The following CCSER1 variants were observed in gnomAD, a reference collection of about 807,000 sequenced individuals.
CCSER1 encodes the protein coiled-coil serine rich protein 1.
In CCSER1, 41 loss-of-function variants were observed where a neutral mutation model predicts 82.0. That is an observed-to-expected ratio of 0.50 (90% CI 0.39 to 0.65). CCSER1 has a LOEUF of 0.65. CCSER1 is among the 30% of genes least tolerant of loss of function. The pLI is 0.00. For synonymous variants in CCSER1, 414 were observed against 383.9 expected, an observed-to-expected ratio of 1.08 and a Z score of -0.92; for missense variants, 1,119 against 1,064.2, an observed-to-expected ratio of 1.05 and a Z score of -0.72.
intron 6 of CCSER1, among the ~76,000 whole-genome samples, chr4:90,703,545 G>A (rs762055017): frequency 1.7e-4 from 26 of 152,074 alleles, no homozygotes; most frequent in South Asian, 1.0e-3. Flanking sequence ...TTTCTGTCTC[G>A]TTGATCTGTC....
At chr4:91,432,398 A>C (rs964918228) in intron 10 of CCSER1, among the ~76,000 whole-genome samples, 1 of 152,218 alleles carries the variant, frequency 6.6e-6, no homozygotes, top group Non-Finnish European at 1.5e-5. Flanking sequence ...ATGTATTTCT[A>C]TAGAATAAAT....
intron 10 of CCSER1, among the ~76,000 whole-genome samples, chr4:91,371,060 A>G (rs914491133): frequency 4.6e-5 from 7 of 152,036 alleles, no homozygotes; most frequent in Non-Finnish European, 1.0e-4. Context: ...AGGGGGTTTC[A>G]TCATATTGGC....
Position 90,197,974 on chromosome 4 carries a change from AT to A in CCSER1, c.-42+70144del, listed in dbSNP as rs1228009698. Among the ~76,000 whole-genome samples, 3 of 152,270 alleles carry A rather than the reference AT, an allele frequency of 2.0e-5. No individual in the cohort carries two copies. The East Asian group carries it at 5.8e-4, about 29-fold the overall frequency. ...AAAGAATAAATGCTTGAAGGGATGG[AT>A]ACCCCATTCTTCATGTTGTACTTAT... is the stretch of plus-strand genomic sequence containing the variant. On this transcript the variant is annotated intron_variant, in intron 1 of 10. Transcript: ENST00000509176.
At chr4:90,162,183 C>T (rs1371200329) in intron 1 of CCSER1, among the ~76,000 whole-genome samples, 2 of 152,108 alleles carry the variant, frequency 1.3e-5, no homozygotes, top group African/African-American at 4.8e-5. Context: ...TTTGACATAT[C>T]CCCTCACAGA....
intron 5 of CCSER1, among the ~76,000 whole-genome samples, chr4:90,625,340 A>G (rs1417459903): frequency 1.3e-5 from 2 of 152,340 alleles, no homozygotes; most frequent in East Asian, 3.9e-4. Context: ...TGATCAAAAC[A>G]TTAATATTCA....
rs550075790 is a variant in CCSER1, at chr4:90,719,002, C to G, written c.1933-4912C>G. 3.9e-5 allele frequency among the ~76,000 whole-genome samples: 6 copies of G among 152,074 alleles called. No individual in the cohort carries two copies. The South Asian group carries it at 1.2e-3, about 32-fold the overall frequency. On this transcript the variant is annotated intron_variant, in intron 6 of 10. Transcript: ENST00000509176. ...TCCTTAATGTCCTTTTTGTTATTCC[C>G]GAGTCACATTCAGGATACTTTATTA...
chr4:91,477,359 CA>C (rs1192228844), intron 10 of CCSER1, among the ~76,000 whole-genome samples: 1 of 151,662 alleles, frequency 6.6e-6, no homozygotes, highest in East Asian at 1.9e-4. Context: ...GTGGCAAGAG[CA>C]CTGAATTTTG....
chr4:91,411,299 A>T (rs542862309), intron 10 of CCSER1, among the ~76,000 whole-genome samples: 11 of 151,356 alleles, frequency 7.3e-5, no homozygotes, highest in Non-Finnish European at 1.2e-4. Flanking sequence ...TACTTAAGCC[A>T]TCCTCATAGA....
chr4:90,648,909 AG>A (rs1199269963), intron 6 of CCSER1, among the ~76,000 whole-genome samples: 3 of 152,166 alleles, frequency 2.0e-5, no homozygotes, highest in Non-Finnish European at 4.4e-5. Flanking sequence ...GTACTAATAT[AG>A]GGAAGACAAC....
chr4:90,397,357 G>T (rs1431096849), intron 3 of CCSER1, among the ~76,000 whole-genome samples: 1 of 152,158 alleles, frequency 6.6e-6, no homozygotes, highest in African/African-American at 2.4e-5. Context: ...CAGTGGCAGA[G>T]ATTTTAATAT....
At chr4:90,236,706 ACT>A (rs1424660451) in intron 1 of CCSER1, among the ~76,000 whole-genome samples, 5 of 150,438 alleles carry the variant, frequency 3.3e-5, no homozygotes, top group African/African-American at 1.2e-4. Flanking sequence ...TGCATCTAGG[ACT>A]CTAATTTTTT....
chr4:90,956,082 G>C (rs1277130508), intron 9 of CCSER1, among the ~76,000 whole-genome samples: 1 of 152,138 alleles, frequency 6.6e-6, no homozygotes, highest in Non-Finnish European at 1.5e-5. Context: ...ACCGAGAACA[G>C]TGCTGGACAC....
chr4:90,185,934 T>C (rs1220959150), intron 1 of CCSER1, among the ~76,000 whole-genome samples: 1 of 152,024 alleles, frequency 6.6e-6, no homozygotes, highest in African/African-American at 2.4e-5. Flanking sequence ...ATGGCAGGTG[T>C]TCAGTGCGTT....
intron 5 of CCSER1, among the ~76,000 whole-genome samples, chr4:90,590,094 A>T (rs544997483): frequency 6.6e-6 from 1 of 151,808 alleles, no homozygotes; most frequent in African/African-American, 2.4e-5. Context: ...GCCAACCTGG[A>T]GAAACCCTGT....
chr4:91,133,635 A>G (rs192554954), intron 10 of CCSER1, among the ~76,000 whole-genome samples: 1 of 152,136 alleles, frequency 6.6e-6, no homozygotes, highest in African/African-American at 2.4e-5. Context: ...TTTCCTAACC[A>G]TGTCTTTTGA....
At chr4:91,519,596 G>A (rs1452716464) in intron 10 of CCSER1, among the ~76,000 whole-genome samples, 1 of 152,234 alleles carries the variant, frequency 6.6e-6, no homozygotes, top group Non-Finnish European at 1.5e-5. Flanking sequence ...CTGCATGTCA[G>A]TCTGAAGGCC....
chr4:90,626,559 T>C lies in CCSER1; in HGVS notation c.1725-1466T>C, dbSNP rs114959791. ...AAGTGAAAATGTTAATGATTCTTAG[T>C]ATAACTGTAAGTATACTGTTTTGTT... On this transcript the variant is annotated intron_variant, in intron 5 of 10. Transcript: ENST00000509176. Among the ~76,000 whole-genome samples the C allele has an allele frequency of 3.9e-3, 596 of 152,342 alleles. 5 individuals carry two copies. Among genetic ancestry groups the C allele is most frequent in the Admixed American group, 8.6e-3 (132 of 15,302 alleles).
intron 8 of CCSER1, among the ~76,000 whole-genome samples, chr4:90,862,447 A>G (rs1021486511): frequency 2.0e-5 from 3 of 151,964 alleles, no homozygotes; most frequent in African/African-American, 7.2e-5. Flanking sequence ...AGTAATGACA[A>G]CTGACTTAAT....
intron 6 of CCSER1, among the ~76,000 whole-genome samples, chr4:90,712,404 G>A (rs1011397129): frequency 3.3e-5 from 5 of 151,848 alleles, no homozygotes; most frequent in Admixed American, 1.3e-4. Context: ...TTATTTACCC[G>A]AAAGTCATTC....
Sources: allele counts gnomAD v4.1 joint callset (sites outside exome capture counted in the v4.1 genomes callset), GRCh38; gene constraint gnomAD v4.1.1; transcripts MANE v1.5; gene names NCBI Gene and HGNC (gene_info 2026-07-23, HGNC 2026-07-21).